GPHN: variants seen among roughly 807,000 people sequenced by gnomAD.
GPHN encodes gephyrin.
GPHN carries 17 observed loss-of-function variants against 95.5 expected under a neutral mutation model. The ratio of observed to expected loss-of-function variants is 0.18; its 90% CI spans 0.12 to 0.27. The LOEUF is 0.27. Ranked by LOEUF, GPHN falls within the 10% of genes least tolerant of loss-of-function variation. GPHN has a pLI of 1.00. For missense variants in GPHN, 660 were observed against 978.1 expected, an observed-to-expected ratio of 0.67 and a Z score of 4.34; for synonymous variants, 320 against 322.5, an observed-to-expected ratio of 0.99 and a Z score of 0.08.
intron 7 of GPHN, 79 bp downstream of exon 7, chr14:66,923,017 C>A (rs1227632368): frequency 1.1e-5 from 13 of 1,203,966 alleles, no homozygotes; most frequent in Non-Finnish European, 1.6e-5. Flanking sequence ...TGCATCGCAT[C>A]CCTCCCTACA....
chr14:66,833,714 A>G (rs2061675819), intron 4 of GPHN, among the ~76,000 whole-genome samples: 2 of 151,664 alleles, frequency 1.3e-5, no homozygotes, highest in South Asian at 4.2e-4. Flanking sequence ...GTAACTATCC[A>G]TTTATTTACT....
At chr14:67,340,645 T>A in the GPHN span, 1 of 784,052 alleles carries the variant, frequency 1.3e-6, no homozygotes. Context: ...TGCAGAGAAC[T>A]TGGAAAATAA....
the GPHN span, chr14:67,454,048 CTT>C: frequency 0.02 from 3,065 of 152,378 alleles, 179 homozygotes; most frequent in South Asian, 0.12. Context: ...GAACCAAACT[CTT>C]TGGGTTAAAA....
chr14:67,620,022 G>A, the GPHN span: 109 of 1,611,894 alleles, frequency 6.8e-5, no homozygotes, highest in East Asian at 1.4e-3. Flanking sequence ...AGACGCGAGT[G>A]CATTCCATCC....
chr14:67,000,091 C>T (rs1176073585), intron 9 of GPHN, among the ~76,000 whole-genome samples: 2 of 151,700 alleles, frequency 1.3e-5, no homozygotes, highest in Admixed American at 6.6e-5. Context: ...TGCTTAAGAA[C>T]TTCTAGCTAC....
At chr14:67,695,122 C>T in the GPHN span, among the ~76,000 whole-genome samples, 1 of 152,306 alleles carries the variant, frequency 6.6e-6, no homozygotes, top group Admixed American at 6.5e-5. Flanking sequence ...CACTTTTCTC[C>T]TTTACAACAT....
At chr14:67,586,175 A>G in the GPHN span, 1 of 1,498,626 alleles carries the variant, frequency 6.7e-7, no homozygotes, top group Admixed American at 1.7e-5. Context: ...AACTGGGGTT[A>G]TGCTAGTGCT....
At chr14:66,954,397 A>G (rs1941704413) in intron 8 of GPHN, among the ~76,000 whole-genome samples, 3 of 152,152 alleles carry the variant, frequency 2.0e-5, no homozygotes, top group African/African-American at 7.2e-5. Flanking sequence ...GCTATTGTAA[A>G]TGGACTTGTT....
the GPHN span, among the ~76,000 whole-genome samples, chr14:67,348,455 T>G: frequency 6.6e-6 from 1 of 151,656 alleles, no homozygotes. Context: ...TCCGCCCACC[T>G]CAGCCTCCCA....
the GPHN span, among the ~76,000 whole-genome samples, chr14:67,243,408 G>A: frequency 2.0e-5 from 3 of 150,850 alleles, no homozygotes; most frequent in South Asian, 6.3e-4. Context: ...GGCTGGCCTC[G>A]AACTCCTGAC....
At chr14:67,500,292 G>A in the GPHN span, among the ~76,000 whole-genome samples, 1 of 152,068 alleles carries the variant, frequency 6.6e-6, no homozygotes, top group South Asian at 2.1e-4. Context: ...TGGCCAACAT[G>A]GTGAAACCTT....
intron 2 of GPHN, among the ~76,000 whole-genome samples, chr14:66,741,432 T>A (rs2072783949): frequency 6.6e-6 from 1 of 152,190 alleles, no homozygotes; most frequent in African/African-American, 2.4e-5. Flanking sequence ...TATGTATGTA[T>A]GTTACATGCA....
At chr14:67,418,248 T>C in the GPHN span, among the ~76,000 whole-genome samples, 5 of 152,200 alleles carry the variant, frequency 3.3e-5, no homozygotes, top group Non-Finnish European at 7.3e-5. Context: ...AGCTAGCATA[T>C]GGTCGAGTCC....
chr14:67,160,551 A>G (rs1163578246), intron 19 of GPHN, among the ~76,000 whole-genome samples: 1 of 152,198 alleles, frequency 6.6e-6, no homozygotes, highest in Non-Finnish European at 1.5e-5. Context: ...ATATGGCCAT[A>G]TCTTTAAGAA....
chr14:67,697,901 A>G, the GPHN span, among the ~76,000 whole-genome samples: 1 of 150,698 alleles, frequency 6.6e-6, no homozygotes, highest in African/African-American at 2.4e-5. Context: ...TGCTCTGTGC[A>G]AGACAATTAA....
At chr14:66,661,271 C>T (rs1235247663) in intron 1 of GPHN, among the ~76,000 whole-genome samples, 1 of 152,180 alleles carries the variant, frequency 6.6e-6, no homozygotes, top group East Asian at 1.9e-4. Flanking sequence ...AACAGAGTTG[C>T]TGGCGGGAGG....
At chr14:66,699,370 TAAAAG>T (rs1241908720) in intron 2 of GPHN, among the ~76,000 whole-genome samples, 4 of 151,642 alleles carry the variant, frequency 2.6e-5, no homozygotes, top group South Asian at 2.1e-4. Flanking sequence ...AATAAATAAA[TAAAAG>T]AAAATAATTT....
At chr14:67,600,063 C>G in the GPHN span, 1 of 1,590,096 alleles carries the variant, frequency 6.3e-7, no homozygotes, top group Non-Finnish European at 8.6e-7. Flanking sequence ...CCAGCCACAC[C>G]GTGCAGGTGA....
At chr14:66,842,729 T>G (rs1294602835) in intron 4 of GPHN, 1 of 1,511,596 alleles carries the variant, frequency 6.6e-7, no homozygotes, top group Non-Finnish European at 8.9e-7. Context: ...AAGCGAAGAC[T>G]TCAATCCCAG....
Sources: allele counts gnomAD v4.1 joint callset (sites outside exome capture counted in the v4.1 genomes callset), GRCh38; gene constraint gnomAD v4.1.1; transcripts MANE v1.5; gene names NCBI Gene and HGNC (gene_info 2026-07-23, HGNC 2026-07-21).